Variants in FHIT observed in about 807,000 individuals in gnomAD.
The protein encoded by FHIT is fragile histidine triad diadenosine triphosphatase.
In FHIT, 19 loss-of-function variants were observed where a neutral mutation model predicts 17.9. That is an observed-to-expected ratio of 1.06 (90% CI 0.74 to 1.56). FHIT has a LOEUF of 1.56. FHIT is among the 40% of genes most tolerant of loss of function. The pLI, the probability that FHIT is intolerant of heterozygous loss-of-function variation, is 0.00. For synonymous variants in FHIT, 81 were observed against 69.7 expected, an observed-to-expected ratio of 1.16 and a Z score of -0.81; for missense variants, 248 against 189.2, an observed-to-expected ratio of 1.31 and a Z score of -1.82.
chr3:60,294,787 A>G (rs376413053), intron 5 of FHIT, among the ~76,000 whole-genome samples: 46 of 152,288 alleles, frequency 3.0e-4, no homozygotes, highest in African/African-American at 1.0e-3. Context: ...ATGGAATCAT[A>G]CAACATATAA....
intron 4 of FHIT, among the ~76,000 whole-genome samples, chr3:60,616,659 T>C (rs1205164859): frequency 3.9e-5 from 6 of 152,172 alleles, no homozygotes; most frequent in Admixed American, 2.6e-4. Context: ...TATAAAACTT[T>C]GCTGAAAGAA....
intron 7 of FHIT, among the ~76,000 whole-genome samples, chr3:59,977,267 C>CAGG (rs1708455954): frequency 1.3e-5 from 2 of 152,146 alleles, no homozygotes. Context: ...CCCCAGACTC[C>CAGG]AGCCTGCGGT....
intron 8 of FHIT, among the ~76,000 whole-genome samples, chr3:59,916,553 G>C (rs1349631382): frequency 6.6e-6 from 1 of 152,122 alleles, no homozygotes; most frequent in Non-Finnish European, 1.5e-5. Context: ...TTGTTTCTGT[G>C]AGAAAAATGG....
chr3:60,617,518 A>T lies in FHIT; in HGVS notation c.-17-80539T>A, dbSNP rs149210649. ...TGATTTTTTAAAACCCTTTCATCTT[A>T]ATTCAGGGTACCAAGCAGGTAAAAA... On this transcript the variant is annotated intron_variant, in intron 4 of 9. Transcript: ENST00000492590. 1,100 of 153,512 alleles carry T rather than the reference A, an allele frequency of 7.2e-3. 9 individuals are homozygous for T. Among genetic ancestry groups the T allele is most frequent in the Non-Finnish European group, 0.011 (766 of 68,228 alleles). 9.5% of individuals were successfully genotyped at this position (153,512 alleles called of 1,614,324 possible).
chr3:60,374,883 C>T (rs190443902), intron 5 of FHIT, among the ~76,000 whole-genome samples: 176 of 152,014 alleles, frequency 1.2e-3, no homozygotes, highest in Middle Eastern at 3.4e-3. Context: ...TTCTTTGCTG[C>T]TCTACAGTCA....
At chr3:60,225,333 T>C (rs1238924637) in intron 5 of FHIT, among the ~76,000 whole-genome samples, 1 of 152,044 alleles carries the variant, frequency 6.6e-6, no homozygotes, top group African/African-American at 2.4e-5. Flanking sequence ...GGCAAACTCT[T>C]ACTGTCCTGC....
chr3:60,344,874 CTTTTT>C (rs1321311348), intron 5 of FHIT, among the ~76,000 whole-genome samples: 2 of 150,462 alleles, frequency 1.3e-5, no homozygotes, highest in African/African-American at 4.9e-5. Context: ...AAGATTTTTT[CTTTTT>C]ATCATAAAAA....
chr3:61,157,835 A>C (rs9311799), intron 2 of FHIT, among the ~76,000 whole-genome samples: 59,169 of 151,940 alleles, frequency 0.39, 11,870 homozygotes, highest in East Asian at 0.59. Flanking sequence ...ATAGGAGTAC[A>C]TATAAAACTT....
rs57891077 is a variant in FHIT, at chr3:60,576,949, TACACAC to T, written c.-17-39976_-17-39971del. Among the ~76,000 whole-genome samples the T allele has an allele frequency of 5.6e-4, 82 of 146,846 alleles. 1 individual carries two copies. The highest frequency in any genetic ancestry group is 9.8e-4 in the African/African-American group (39 of 39,986). On this transcript the variant is annotated intron_variant, in intron 4 of 9. Coordinates refer to ENST00000492590, the MANE Select transcript of FHIT (RefSeq NM_002012.4). ...AATTACATATTTGCATCCATTTGCATACACACACACACACACACACACACACACACA... is the reference window on the plus strand; with the variant it reads ...AATTACATATTTGCATCCATTTGCATACACACACACACACACACACACACA...
intron 5 of FHIT, among the ~76,000 whole-genome samples, chr3:60,043,198 C>T (rs1258598039): frequency 1.3e-5 from 2 of 152,206 alleles, no homozygotes; most frequent in Non-Finnish European, 2.9e-5. Context: ...CATCAACCCA[C>T]AACAACGGTG....
intron 5 of FHIT, among the ~76,000 whole-genome samples, chr3:60,273,854 A>G (rs192374228): frequency 8.5e-4 from 129 of 152,328 alleles, no homozygotes; most frequent in Admixed American, 2.4e-3. Context: ...ACAAATATTT[A>G]AAATCACAGA....
chr3:60,596,616 G>A (rs542768160), intron 4 of FHIT, among the ~76,000 whole-genome samples: 10 of 152,188 alleles, frequency 6.6e-5, no homozygotes, highest in Non-Finnish European at 1.2e-4. Flanking sequence ...TCATAGTAAA[G>A]GAATCTGCAC....
intron 2 of FHIT, among the ~76,000 whole-genome samples, chr3:61,097,821 T>C (rs1428311463): frequency 6.6e-6 from 1 of 152,188 alleles, no homozygotes; most frequent in African/African-American, 2.4e-5. Flanking sequence ...GTAAATTTGT[T>C]TAAGTTCCTT....
intron 8 of FHIT, among the ~76,000 whole-genome samples, chr3:59,883,800 T>C (rs1703506831): frequency 6.6e-6 from 1 of 152,196 alleles, no homozygotes. Flanking sequence ...GCTATCTAGA[T>C]TTAAGAAAGT....
intron 5 of FHIT, among the ~76,000 whole-genome samples, chr3:60,312,558 G>A (rs1708994800): frequency 6.6e-6 from 1 of 152,154 alleles, no homozygotes; most frequent in South Asian, 2.1e-4. Flanking sequence ...AGTTTAGTGT[G>A]AAAACAAATA....
intron 4 of FHIT, chr3:60,690,395 C>A (rs917923121): frequency 1.9e-5 from 11 of 578,572 alleles, no homozygotes; most frequent in East Asian, 4.4e-5. Context: ...AACTGGGAAC[C>A]ATTTGCGTTG....
chr3:60,579,883 T>C (rs2037697654), intron 4 of FHIT, among the ~76,000 whole-genome samples: 1 of 152,136 alleles, frequency 6.6e-6, no homozygotes, highest in African/African-American at 2.4e-5. Flanking sequence ...GCCAGTTGCT[T>C]ACTTACTCAG....
Position 60,234,828 on chromosome 3 carries a change from C to T in FHIT, c.104-220676G>A, listed in dbSNP as rs139326490. Among the ~76,000 whole-genome samples the T allele has an allele frequency of 1.8e-4, 27 of 152,254 alleles. No homozygotes were observed. The South Asian group carries it at 1.9e-3, about 11-fold the overall frequency. ...TTCATTATGTGTCTCAGGAGAAACA[C>T]AGAAGTATTAGTGATAGGACACTGA... On this transcript the variant is annotated intron_variant, in intron 5 of 9. Coordinates refer to ENST00000492590, the MANE Select transcript of FHIT (RefSeq NM_002012.4).
intron 5 of FHIT, among the ~76,000 whole-genome samples, chr3:60,205,118 G>C (rs1422319957): frequency 1.3e-5 from 2 of 151,430 alleles, no homozygotes; most frequent in South Asian, 2.1e-4. Context: ...AATTATATGA[G>C]CTTTTTGTAC....
Sources: gnomAD v4.1 joint callset for allele counts (sites outside exome capture counted in the v4.1 genomes callset) on GRCh38, gnomAD v4.1.1 for gene constraint, MANE v1.5 for transcripts, NCBI Gene and HGNC (gene_info 2026-07-23, HGNC 2026-07-21) for gene names.